Variants in CA10 observed in about 807,000 individuals in gnomAD.
CA10 encodes carbonic anhydrase 10 (inactive).
In CA10, 14 loss-of-function variants were observed where a neutral mutation model predicts 44.2. The observed-to-expected ratio is 0.32, with a 90% CI of 0.21 to 0.50. The LOEUF (loss-of-function observed/expected upper bound fraction) is 0.50. Ranked by LOEUF, CA10 falls within the 20% of genes least tolerant of loss-of-function variation. The pLI is 0.99. For synonymous variants in CA10, 159 were observed against 141.6 expected, an observed-to-expected ratio of 1.12 and a Z score of -0.87; for missense variants, 350 against 409.7, an observed-to-expected ratio of 0.85 and a Z score of 1.26.
At chr17:51,728,059 G>T (rs989936686) in intron 4 of CA10, among the ~76,000 whole-genome samples, 3 of 151,900 alleles carry the variant, frequency 2.0e-5, no homozygotes, top group South Asian at 2.1e-4. Flanking sequence ...CTAATTTTTT[G>T]TTGTTGTTGT....
chr17:52,054,951 C>A (rs538383027), intron 2 of CA10, among the ~76,000 whole-genome samples: 2 of 152,134 alleles, frequency 1.3e-5, no homozygotes, highest in South Asian at 2.1e-4. Flanking sequence ...ATTTACTGAG[C>A]TCTTACTTTT....
intron 2 of CA10, among the ~76,000 whole-genome samples, chr17:52,054,743 C>T (rs562424727): frequency 1.2e-4 from 18 of 151,716 alleles, no homozygotes; most frequent in African/African-American, 4.1e-4. Flanking sequence ...AAAGAACTTA[C>T]GTGAAATATC....
In CA10 at chr17:51,630,702, A is replaced by T. The variant is rs1302940554; in HGVS notation, c.*882T>A. On this transcript the variant is annotated 3_prime_UTR_variant, in exon 9 of 9. Coordinates refer to ENST00000451037, the MANE Select transcript of CA10 (RefSeq NM_020178.5). The stretch of plus-strand genomic sequence containing the variant: ...TAGATGAAGGAACAAGTGAAATCAA[A>T]GAATGCAGTTGCATGGAGCCAGGGC... The T allele has an allele frequency of 6.6e-6, 1 of 152,602 alleles. No individual in the cohort carries two copies. Among genetic ancestry groups the T allele is most frequent in the Non-Finnish European group, 1.5e-5 (1 of 68,044 alleles). 9.5% of individuals were successfully genotyped at this position (152,602 alleles called of 1,614,324 possible). A position where few individuals can be genotyped will look rare whatever the true frequency, so the allele number is the denominator to read the frequency against.
intron 2 of CA10, among the ~76,000 whole-genome samples, chr17:52,026,842 C>T (rs2319633): frequency 0.99 from 150,212 of 152,100 alleles, 74,204 homozygotes; most frequent in East Asian, 1. Context: ...GAGATTTGGG[C>T]GGGGACACAG....
intron 3 of CA10, among the ~76,000 whole-genome samples, chr17:51,796,869 A>T (rs1361919143): frequency 6.6e-6 from 1 of 152,226 alleles, no homozygotes; most frequent in African/African-American, 2.4e-5. Flanking sequence ...TCCCACAGCA[A>T]TTAGAGACAT....
intron 3 of CA10, among the ~76,000 whole-genome samples, chr17:51,837,557 T>C (rs1423725922): frequency 1.3e-5 from 2 of 152,346 alleles, no homozygotes; most frequent in East Asian, 3.9e-4. Flanking sequence ...AAGTCAGGAT[T>C]GGAAACCAGG....
chr17:51,667,849 G>A (rs1319846771), intron 4 of CA10, among the ~76,000 whole-genome samples: 3 of 152,198 alleles, frequency 2.0e-5, no homozygotes, highest in African/African-American at 7.2e-5. Flanking sequence ...GAGGGAAACA[G>A]AGACAGCATT....
rs75571479 is a variant in CA10, at chr17:51,687,477, A to T, written c.466-33741T>A. On this transcript the variant is annotated intron_variant, in intron 4 of 8. Coordinates refer to ENST00000451037, the MANE Select transcript of CA10 (RefSeq NM_020178.5). ...GAGCCTGGCACATACTAGGTGCTCA[A>T]TAAATATATGTTGAATGAATGAATG... Among the ~76,000 whole-genome samples, 1,041 of 152,364 alleles carry T rather than the reference A, an allele frequency of 6.8e-3. 16 individuals carry two copies. Among genetic ancestry groups the T allele is most frequent in the African/African-American group, 0.024 (1,004 of 41,584 alleles).
chr17:51,889,007 T>TCTTA (rs1370098937), intron 3 of CA10, among the ~76,000 whole-genome samples: 7 of 152,154 alleles, frequency 4.6e-5, no homozygotes, highest in African/African-American at 1.7e-4. Context: ...TCTTAGAAGT[T>TCTTA]GGCCGGGAGC....
At chr17:51,674,428 G>A (rs936098635) in intron 4 of CA10, among the ~76,000 whole-genome samples, 12 of 151,950 alleles carry the variant, frequency 7.9e-5, no homozygotes, top group South Asian at 2.1e-4. Context: ...TTATTGTGTC[G>A]CTGTGGTCTG....
chr17:51,717,825 GTGTGTATA>G (rs1916202658), intron 4 of CA10, among the ~76,000 whole-genome samples: 1 of 13,052 alleles, frequency 7.7e-5, no homozygotes, highest in African/African-American at 2.9e-4. Flanking sequence ...ATATATATGT[GTGTGTATA>G]TATATATATA....
At chr17:52,051,409 G>T (rs1987067517) in intron 2 of CA10, among the ~76,000 whole-genome samples, 1 of 151,318 alleles carries the variant, frequency 6.6e-6, no homozygotes, top group African/African-American at 2.4e-5. Flanking sequence ...ATCCTACAAA[G>T]GTCTAATATC....
At chr17:51,739,918 G>T (rs1007122071) in intron 4 of CA10, among the ~76,000 whole-genome samples, 1 of 151,964 alleles carries the variant, frequency 6.6e-6, no homozygotes, top group Non-Finnish European at 1.5e-5. Context: ...GTAATTCCAG[G>T]GCTGAAATGA....
At chr17:51,771,648 C>T (rs1226094884) in intron 3 of CA10, among the ~76,000 whole-genome samples, 1 of 152,120 alleles carries the variant, frequency 6.6e-6, no homozygotes, top group Non-Finnish European at 1.5e-5. Flanking sequence ...CTCAGCCTTG[C>T]CACTTCTTCC....
At chr17:51,869,311 A>G (rs1438529357) in intron 3 of CA10, among the ~76,000 whole-genome samples, 1 of 152,202 alleles carries the variant, frequency 6.6e-6, no homozygotes, top group Non-Finnish European at 1.5e-5. Context: ...TCATGGAAAG[A>G]GTAGCTGCTT....
At chr17:51,724,668 C>T (rs1363545166) in intron 4 of CA10, among the ~76,000 whole-genome samples, 4 of 152,192 alleles carry the variant, frequency 2.6e-5, no homozygotes, top group East Asian at 1.9e-4. Context: ...TGTGGAAAAA[C>T]AATTATCTGC....
intron 1 of CA10, among the ~76,000 whole-genome samples, chr17:52,079,318 G>A (rs1299734088): frequency 6.6e-6 from 1 of 151,894 alleles, no homozygotes; most frequent in Non-Finnish European, 1.5e-5. Flanking sequence ...AATTAGCAGG[G>A]TGTGGTAGTA....
At chr17:52,128,150 C>A (rs747719345) in intron 1 of CA10, among the ~76,000 whole-genome samples, 4 of 152,204 alleles carry the variant, frequency 2.6e-5, no homozygotes, top group Non-Finnish European at 1.5e-5. Flanking sequence ...GGCTCTACTG[C>A]AAGCAATCAT....
chr17:52,047,999 T>C (rs1986957910), intron 2 of CA10, among the ~76,000 whole-genome samples: 1 of 150,748 alleles, frequency 6.6e-6, no homozygotes, highest in African/African-American at 2.4e-5. Flanking sequence ...TTGCTTCTCA[T>C]CTATACACCA....
Sources: gnomAD v4.1 joint callset for allele counts (sites outside exome capture counted in the v4.1 genomes callset) on GRCh38, gnomAD v4.1.1 for gene constraint, MANE v1.5 for transcripts, NCBI Gene and HGNC (gene_info 2026-07-23, HGNC 2026-07-21) for gene names.